Variants in TIMD4 observed in about 807,000 individuals in gnomAD.
TIMD4 encodes the protein T-cell immunoglobulin and mucin domain-containing protein 4.
A neutral mutation model predicts 41.2 loss-of-function variants in TIMD4; 31 were observed. The ratio of observed to expected loss-of-function variants is 0.75; its 90% confidence interval spans 0.57 to 1.01. The LOEUF is 1.01. Among genes scored for constraint, TIMD4 ranks in the 50% least tolerant of loss-of-function variants. TIMD4 has a pLI of 0.00. For synonymous variants in TIMD4, 204 were observed against 177.1 expected, an observed-to-expected ratio of 1.15 and a Z score of -1.21; for missense variants, 479 against 472.5, an observed-to-expected ratio of 1.01 and a Z score of -0.13.
intron 5 of TIMD4, among the ~76,000 whole-genome samples, chr5:156,928,618 C>T (rs1302687879): frequency 2.0e-5 from 3 of 152,182 alleles, no homozygotes; most frequent in African/African-American, 7.2e-5. Flanking sequence ...TTCCCCAGAG[C>T]TTCCTTTGTA....
intron 6 of TIMD4, among the ~76,000 whole-genome samples, chr5:156,923,469 A>T (rs1759289259): frequency 6.6e-6 from 1 of 152,006 alleles, no homozygotes; most frequent in Admixed American, 6.6e-5. Context: ...TTTTAATTGT[A>T]AAAATGTCTC....
chr5:156,948,273 G>C (rs992156139), intron 5 of TIMD4, 143 bp downstream of exon 5: 1 of 365,690 alleles, frequency 2.7e-6, no homozygotes, highest in Non-Finnish European at 4.2e-6. Context: ...GATCACTTGA[G>C]GCCAAGAGAT....
chr5:156,956,111 A>T (rs958250319), intron 1 of TIMD4, among the ~76,000 whole-genome samples: 1 of 152,196 alleles, frequency 6.6e-6, no homozygotes, highest in African/African-American at 2.4e-5. Flanking sequence ...CTTTTAATCA[A>T]CATCTCCCCT....
chr5:156,958,039 G>A (rs891151525), intron 1 of TIMD4, among the ~76,000 whole-genome samples: 4 of 151,976 alleles, frequency 2.6e-5, no homozygotes, highest in East Asian at 3.9e-4. Flanking sequence ...TTTGGGAGGC[G>A]GAGGCAGGCA....
chr5:156,926,212 G>T, intron 6 of TIMD4, 51 bp downstream of exon 6: 1 of 1,598,806 alleles, frequency 6.3e-7, no homozygotes, highest in South Asian at 1.1e-5. Context: ...CCACTACTGT[G>T]GATTTTTACT....
chr5:156,923,617 C>T (rs887704059), intron 6 of TIMD4, among the ~76,000 whole-genome samples: 1 of 151,860 alleles, frequency 6.6e-6, no homozygotes, highest in African/African-American at 2.4e-5. Flanking sequence ...CAGCTCACTG[C>T]AACCTTGAAT....
intron 5 of TIMD4, among the ~76,000 whole-genome samples, chr5:156,933,586 G>GTTTTGTTTTGTTTT (rs1759483777): frequency 8.3e-6 from 1 of 119,940 alleles, no homozygotes; most frequent in African/African-American, 3.4e-5. Context: ...TGTTTTGTTT[G>GTTTTGTTTTGTTTT]AGACAGAGTC....
chr5:156,935,340 A>G (rs1368390425), intron 5 of TIMD4, among the ~76,000 whole-genome samples: 1 of 152,242 alleles, frequency 6.6e-6, no homozygotes, highest in African/African-American at 2.4e-5. Context: ...GCACTAATAC[A>G]AATCCGGAAT....
chr5:156,948,381 G>T, intron 5 of TIMD4, 35 bp downstream of exon 5: 35 of 1,146,352 alleles, frequency 3.1e-5, no homozygotes, highest in Non-Finnish European at 3.5e-5. Flanking sequence ...AATTAATAAA[G>T]TAAAATAAAA....
intron 5 of TIMD4, among the ~76,000 whole-genome samples, chr5:156,940,477 C>A (rs1272522369): frequency 1.3e-5 from 2 of 152,126 alleles, no homozygotes; most frequent in Non-Finnish European, 2.9e-5. Flanking sequence ...TGAGGAGCGC[C>A]TCTTCCCGGC....
chr5:156,944,463 C>T (rs898620444), intron 5 of TIMD4, among the ~76,000 whole-genome samples: 4 of 148,716 alleles, frequency 2.7e-5, no homozygotes, highest in Non-Finnish European at 5.9e-5. Context: ...CTGGGTATGA[C>T]TCCTAGCTCT....
intron 5 of TIMD4, among the ~76,000 whole-genome samples, chr5:156,943,626 G>A (rs1759685629): frequency 6.6e-6 from 1 of 152,146 alleles, no homozygotes; most frequent in Non-Finnish European, 1.5e-5. Flanking sequence ...CAGCCCACCT[G>A]ATTTTATTTA....
intron 4 of TIMD4, among the ~76,000 whole-genome samples, chr5:156,949,277 AG>A (rs1047689100): frequency 2.6e-5 from 4 of 152,278 alleles, no homozygotes; most frequent in African/African-American, 9.6e-5. Flanking sequence ...GTCTCAACAA[AG>A]AAGATTTGCG....
rs184428016 is a variant in TIMD4 at position 156,937,477 on chromosome 5, C to T, written c.844+10939G>A. ...ACCTCTCCAGTGCCTAGAAACCCCTCCCTGGCTCTGCATCAGAGAGATGTT... is the reference window on the plus strand; with the variant it reads ...ACCTCTCCAGTGCCTAGAAACCCCTTCCTGGCTCTGCATCAGAGAGATGTT... On this transcript the variant is annotated intron_variant, in intron 5 of 8. Transcript: ENST00000274532. Among the ~76,000 whole-genome samples, 9 of 152,326 alleles carry T rather than the reference C, an allele frequency of 5.9e-5. No homozygotes were observed. The South Asian group carries it at 8.3e-4, about 14-fold the overall frequency.
At chr5:156,929,367 AC>A (rs1405331642) in intron 5 of TIMD4, among the ~76,000 whole-genome samples, 1 of 152,018 alleles carries the variant, frequency 6.6e-6, no homozygotes, top group African/African-American at 2.4e-5. Flanking sequence ...TAGTATCACT[AC>A]CCCCTCTCCC....
intron 5 of TIMD4, 79 bp from the exon 6 acceptor site, chr5:156,926,391 A>C (rs775463530): frequency 6.9e-7 from 1 of 1,442,218 alleles, no homozygotes; most frequent in Non-Finnish European, 9.7e-7. Context: ...GGTAATTAAG[A>C]GTCCATCTGG....
In TIMD4 at chr5:156,950,753, T is replaced by A. The variant is rs1262830077; in HGVS notation, c.679+759A>T. Reference sequence around the variant, plus strand: ...GAACTAGTTCACCATCAGGGGATATTTTAAAGGCGTCTGGAGGTCTTTCCT... The same window carrying A: ...GAACTAGTTCACCATCAGGGGATATATTAAAGGCGTCTGGAGGTCTTTCCT... On this transcript the variant is annotated intron_variant, in intron 3 of 8. Coordinates refer to ENST00000274532, the MANE Select transcript of TIMD4 (RefSeq NM_138379.3). Among the ~76,000 whole-genome samples, 7 of 152,146 alleles carry A rather than the reference T, an allele frequency of 4.6e-5. No individual in the cohort carries two copies. In the East Asian group the frequency reaches 1.2e-3, roughly 25 times the overall value.
chr5:156,948,569 A>G, intron 4 of TIMD4, 70 bp from the exon 5 acceptor site: 2 of 1,050,468 alleles, frequency 1.9e-6, no homozygotes, highest in Non-Finnish European at 2.7e-6. Context: ...TTGGTACTCA[A>G]CTGTCCCTAT....
rs1019048919 is a variant in TIMD4 at position 156,954,534 on chromosome 5, T to A, written c.281A>T (p.Asp94Val). ...GGGGTTTAAGATGGTCAAGGAGACA[T>A]CACCTCTCGGGATAGTCCCCTGAAG... ...YRLQGTIPRG[D>V]VSLTILNPSE... is the part of the protein sequence containing the mutation. Residue 94 changes from aspartate to valine, a missense_variant, in exon 2 of 9, where the codon GAT (aspartate) becomes GTT (valine). Asp to Val is a radical substitution (Grantham distance 152). Transcript: ENST00000274532. 2.5e-6 allele frequency: 4 copies of A among 1,614,132 alleles called. No homozygotes were observed. The highest frequency in any genetic ancestry group is 2.5e-6 in the Non-Finnish European group (3 of 1,180,056).
Sources: gnomAD v4.1 joint callset for allele counts (sites outside exome capture counted in the v4.1 genomes callset) on GRCh38, gnomAD v4.1.1 for gene constraint, MANE v1.5 for transcripts, NCBI Gene and HGNC (gene_info 2026-07-23, HGNC 2026-07-21) for gene names.